Variants in TMEM269 observed in about 807,000 individuals in gnomAD.
TMEM269 encodes transmembrane protein 269.
A neutral mutation model predicts 15.8 loss-of-function variants in TMEM269; 12 were observed. That is an observed-to-expected ratio of 0.76 (90% confidence interval 0.49 to 1.23). TMEM269 has a LOEUF of 1.23. Among genes scored for constraint, TMEM269 ranks in the 50% most tolerant of loss-of-function variants. TMEM269 has a pLI of 0.00. For synonymous variants in TMEM269, 93 were observed against 99.3 expected (o/e 0.94, Z 0.38); for missense variants, 211 against 245.4 (o/e 0.86, Z 0.94).
intron 2 of TMEM269, among the ~76,000 whole-genome samples, 153 bp downstream of exon 2, chr1:42,790,087 C>A (rs377470945): frequency 6.6e-5 from 10 of 152,154 alleles, no homozygotes; most frequent in African/African-American, 2.4e-4. Flanking sequence ...AGGCCAAGAT[C>A]CCATGCTCAA....
rs1653859754 is a variant in TMEM269, at chr1:42,799,867, C to T, written c.*1642C>T. 6.6e-6 allele frequency: 1 copy of T among 152,190 alleles called. No individual in the cohort carries two copies. Among genetic ancestry groups the T allele is most frequent in the Non-Finnish European group, 1.5e-5 (1 of 68,022 alleles). The allele number at this position is 152,190 out of a possible 1,614,324, so 9.4% of individuals were successfully genotyped here. On this transcript the variant is annotated 3_prime_UTR_variant, in exon 6 of 6. Coordinates refer to ENST00000637012, the MANE Select transcript of TMEM269 (RefSeq NM_001354602.2). ...TAAGGACCAAGCAGCTGGAACAACA[C>T]CACCACCACCAAAAGCGAAAAACAG...
chr1:42,791,659 A>G (rs1009369875), intron 2 of TMEM269, among the ~76,000 whole-genome samples: 1 of 152,230 alleles, frequency 6.6e-6, no homozygotes, highest in African/African-American at 2.4e-5. Flanking sequence ...ACCTTAGGAA[A>G]CTAGAATAAG....
In TMEM269 at chr1:42,789,796, G is replaced by T; in HGVS notation, c.-98G>T. 3 of 1,494,474 alleles carry T rather than the reference G, an allele frequency of 2.0e-6. No individual in the cohort carries two copies. Among genetic ancestry groups the T allele is most frequent in the Non-Finnish European group, 2.7e-6 (3 of 1,095,652 alleles). The allele number at this position is 1,494,474 out of a possible 1,614,324, so 92.6% of individuals were successfully genotyped here. ...TTCGCCCCTCTCTCTTGGGCCCCAG[G>T]TAAGGGTACCAGTTTCTTCCTGAGC... On this transcript the variant is annotated splice_region_variant and 5_prime_UTR_variant, in exon 2 of 6. Coordinates refer to ENST00000637012, the MANE Select transcript of TMEM269 (RefSeq NM_001354602.2).
chr1:42,795,735 TC>T (rs532488566), intron 5 of TMEM269, among the ~76,000 whole-genome samples: 3 of 152,272 alleles, frequency 2.0e-5, no homozygotes, highest in East Asian at 3.9e-4. Context: ...TCAAGGAATA[TC>T]AGTTTTTCTT....
intron 1 of TMEM269, 112 bp from the exon 2 acceptor site, chr1:42,789,684 A>AATGTAGGG: frequency 1.2e-6 from 1 of 814,762 alleles, no homozygotes; most frequent in Non-Finnish European, 2.0e-6. Flanking sequence ...AGTGAAACAG[A>AATGTAGGG]ATGTAGGGAG....
chr1:42,786,482 G>A (rs940061742), intron 1 of TMEM269, among the ~76,000 whole-genome samples: 1 of 152,238 alleles, frequency 6.6e-6, no homozygotes, highest in African/African-American at 2.4e-5. Context: ...TCTGAGAAGG[G>A]TGGGGAGGAC....
chr1:42,797,714 C>T lies in TMEM269; in HGVS notation c.485-384C>T. ...CTGCACGTAAACTCTTTTCTGCATACATATCATACTGCATTGGTCGTTATC... is the reference window on the plus strand; with the variant it reads ...CTGCACGTAAACTCTTTTCTGCATATATATCATACTGCATTGGTCGTTATC... On this transcript the variant is annotated intron_variant, in intron 5 of 5. Transcript: ENST00000637012. This position sits in a 1 kb window ranked among gnomAD's most constrained non-coding sequence, Gnocchi z 4.9. 2.3e-6 allele frequency: 1 copy of T among 442,744 alleles called. No individual in the cohort carries two copies. Among genetic ancestry groups the T allele is most frequent in the Non-Finnish European group, 4.6e-6 (1 of 218,456 alleles). The allele number at this position is 442,744 out of a possible 1,614,324, so 27.4% of individuals were successfully genotyped here.
intron 5 of TMEM269, among the ~76,000 whole-genome samples, chr1:42,795,641 C>T (rs1280736746): frequency 6.6e-6 from 1 of 152,202 alleles, no homozygotes; most frequent in Non-Finnish European, 1.5e-5. Context: ...AGTAACTGAG[C>T]ACTGGGCTCC....
intron 5 of TMEM269, 137 bp downstream of exon 5, chr1:42,794,750 T>A (rs1653763851): frequency 1.5e-6 from 1 of 675,682 alleles, no homozygotes; most frequent in Admixed American, 2.7e-5. Flanking sequence ...ACATATTTAC[T>A]AGTTTTCTTA....
In TMEM269 at chr1:42,800,289, C is replaced by CT. The variant is rs1173743097; in HGVS notation, c.*2065dup. The stretch of plus-strand genomic sequence containing the variant: ...GGGATCTATGCTTCCTTGCACCTCT[C>CT]TGAGAGTATGGTTATACTTCTATAC... On this transcript the variant is annotated 3_prime_UTR_variant, in exon 6 of 6. Coordinates refer to ENST00000637012, the MANE Select transcript of TMEM269 (RefSeq NM_001354602.2). The CT allele has an allele frequency of 6.6e-6, 1 of 152,200 alleles. No individual in the cohort carries two copies. Among genetic ancestry groups the CT allele is most frequent in the African/African-American group, 2.4e-5 (1 of 41,442 alleles). The allele number at this position is 152,200 out of a possible 1,614,324, so 9.4% of individuals were successfully genotyped here.
At position 42,798,184 on chromosome 1, in the gene TMEM269, G is replaced by C. The variant is rs1557594087; in HGVS notation, c.571G>C (p.Ala191Pro). 6.5e-7 allele frequency: 1 copy of C among 1,549,202 alleles called. No homozygotes were observed. Among genetic ancestry groups the C allele is most frequent in the Non-Finnish European group, 8.7e-7 (1 of 1,147,072 alleles). Residue 191 changes from alanine to proline, a missense_variant, in exon 6 of 6, where the codon GCT (alanine) becomes CCT (proline). Transcript: ENST00000637012. ...GCTCTCGTACATCTTCTTTCCAGAT[G>C]CTCTGTGGGGCAAGGCAGCCTGTCT... ...WSLSYIFFPD[A>P]LWGKAACLSP...
chr1:42,789,768 C>T, intron 1 of TMEM269, 28 bp from the exon 2 acceptor site: 1 of 1,295,286 alleles, frequency 7.7e-7, no homozygotes, highest in Non-Finnish European at 1.1e-6. Flanking sequence ...ACCTTGGGAA[C>T]CCTTCGCCCC....
intron 2 of TMEM269, among the ~76,000 whole-genome samples, chr1:42,791,514 TA>T (rs374862408): frequency 1.3e-5 from 2 of 151,916 alleles, no homozygotes; most frequent in African/African-American, 2.4e-5. Flanking sequence ...TGTTTTGAAC[TA>T]AAAAAAATGA....
chr1:42,789,555 A>G (rs1653642933), intron 1 of TMEM269: 1 of 1,481,972 alleles, frequency 6.7e-7, no homozygotes, highest in Non-Finnish European at 9.1e-7. Context: ...AGTGGAAACT[A>G]TGCTTGTGTT....
chr1:42,794,640 TTTG>T, intron 5 of TMEM269, 27 bp downstream of exon 5: 3 of 1,497,306 alleles, frequency 2.0e-6, no homozygotes, highest in South Asian at 2.4e-5. Context: ...CTATGGCCAG[TTTG>T]TTATCACAGT....
At chr1:42,789,729 T>C in intron 1 of TMEM269, 67 bp from the exon 2 acceptor site, 1 of 924,540 alleles carries the variant, frequency 1.1e-6, no homozygotes, top group Non-Finnish European at 1.7e-6. Flanking sequence ...GTGGAACAGG[T>C]CCCTGGGAGC....
chr1:42,792,534 G>A (rs1023407425), intron 2 of TMEM269, among the ~76,000 whole-genome samples: 1 of 152,190 alleles, frequency 6.6e-6, no homozygotes, highest in African/African-American at 2.4e-5. Context: ...TCTTAGTGAT[G>A]TTCTAGGGGG....
At chr1:42,785,906 T>C (rs1393230799) in intron 1 of TMEM269, among the ~76,000 whole-genome samples, 3 of 152,188 alleles carry the variant, frequency 2.0e-5, no homozygotes, top group African/African-American at 4.8e-5. Flanking sequence ...ATTACACTTG[T>C]CCCTACACAC....
chr1:42,793,288 CATG>C (rs1179897611), intron 3 of TMEM269, among the ~76,000 whole-genome samples: 1 of 152,138 alleles, frequency 6.6e-6, no homozygotes, highest in Non-Finnish European at 1.5e-5. Flanking sequence ...AAAATGCTTC[CATG>C]TAAGATTTAG....
Sources: gnomAD v4.1 joint callset for allele counts (sites outside exome capture counted in the v4.1 genomes callset) on GRCh38, gnomAD v4.1.1 for gene constraint, Gnocchi (gnomAD v3.1) non-coding constraint, MANE v1.5 for transcripts, NCBI Gene and HGNC (gene_info 2026-07-23, HGNC 2026-07-21) for gene names.